The following PTCHD4 variants were observed in gnomAD, a reference collection of about 807,000 sequenced individuals.
PTCHD4 encodes patched domain-containing protein 4.
In PTCHD4, 33 loss-of-function variants were observed where a neutral mutation model predicts 58.1. The observed-to-expected ratio is 0.57, with a 90% CI of 0.43 to 0.76. PTCHD4 has a LOEUF of 0.76. PTCHD4 is among the 30% of genes least tolerant of loss of function. PTCHD4 has a pLI of 0.00. For missense variants in PTCHD4, 1,058 were observed against 1,027.1 expected (o/e 1.03, Z -0.41); for synonymous variants, 478 against 409.6 (o/e 1.17, Z -2.02).
rs142707906 is a variant in PTCHD4 at position 47,857,908 on chromosome 6, T to G, written c.*20395A>C. 2.1e-3 allele frequency among the ~76,000 whole-genome samples: 321 copies of G among 152,128 alleles called. 14 individuals are homozygous for G. In the East Asian group the frequency reaches 0.057, roughly 27 times the overall value. ...TTAGCAAACTGTAACTATAAATAGT[T>G]CTATATCAAGGTACACATATGTACC... is the stretch of plus-strand genomic sequence containing the variant. On this transcript the variant is annotated 3_prime_UTR_variant, in exon 5 of 5. Coordinates refer to ENST00000339488, the MANE Select transcript of PTCHD4 (RefSeq NM_001384253.1).
At chr6:48,024,790 C>T (rs1197256300) in intron 3 of PTCHD4, among the ~76,000 whole-genome samples, 5 of 152,174 alleles carry the variant, frequency 3.3e-5, no homozygotes, top group African/African-American at 4.8e-5. Flanking sequence ...ACCAAACCTC[C>T]TGATTCCACA....
chr6:47,931,571 G>A (rs1209208233), intron 4 of PTCHD4, among the ~76,000 whole-genome samples: 1 of 152,130 alleles, frequency 6.6e-6, no homozygotes, highest in Admixed American at 6.5e-5. Flanking sequence ...GTTTGACTGA[G>A]GAGCAATGAA....
chr6:48,090,832 A>T (rs1765351553), intron 1 of PTCHD4, among the ~76,000 whole-genome samples: 1 of 152,228 alleles, frequency 6.6e-6, no homozygotes, highest in Non-Finnish European at 1.5e-5. Context: ...TTCATGACAG[A>T]TGTAAAGTCA....
chr6:47,951,780 G>A (rs1561974388), intron 4 of PTCHD4, among the ~76,000 whole-genome samples: 1 of 151,528 alleles, frequency 6.6e-6, no homozygotes, highest in African/African-American at 2.4e-5. Flanking sequence ...AAGACAATCT[G>A]CACAAAATAA....
chr6:48,092,559 C>G (rs1430213046), intron 1 of PTCHD4, among the ~76,000 whole-genome samples: 1 of 152,078 alleles, frequency 6.6e-6, no homozygotes, highest in African/African-American at 2.4e-5. Flanking sequence ...ATTGACTACT[C>G]TCAGGCAAAA....
chr6:47,978,559 T>C (rs775129230), intron 4 of PTCHD4, among the ~76,000 whole-genome samples: 1 of 152,214 alleles, frequency 6.6e-6, no homozygotes, highest in Non-Finnish European at 1.5e-5. Flanking sequence ...AGAACTAAGT[T>C]ATACGTTTCT....
chr6:48,060,712 C>G (rs1001852868), intron 3 of PTCHD4, among the ~76,000 whole-genome samples: 1 of 152,138 alleles, frequency 6.6e-6, no homozygotes, highest in African/African-American at 2.4e-5. Context: ...TGGGCTCAAA[C>G]GATCCACCCA....
chr6:47,933,624 G>T (rs1380540610), intron 4 of PTCHD4, among the ~76,000 whole-genome samples: 1 of 152,102 alleles, frequency 6.6e-6, no homozygotes, highest in Non-Finnish European at 1.5e-5. Context: ...TAGTAGGTAG[G>T]GCAGTAAGAC....
chr6:48,002,794 T>C (rs1325433744), intron 4 of PTCHD4, among the ~76,000 whole-genome samples: 2 of 151,834 alleles, frequency 1.3e-5, no homozygotes, highest in Non-Finnish European at 2.9e-5. Flanking sequence ...CTTTATTCAC[T>C]ATCTTCACTT....
chr6:47,930,244 T>C (rs1328077611), intron 4 of PTCHD4, among the ~76,000 whole-genome samples: 3 of 152,194 alleles, frequency 2.0e-5, no homozygotes, highest in Non-Finnish European at 4.4e-5. Flanking sequence ...CACATAACAA[T>C]GTCTTACACC....
chr6:48,001,194 T>C (rs1006728347), intron 4 of PTCHD4, among the ~76,000 whole-genome samples: 1 of 152,170 alleles, frequency 6.6e-6, no homozygotes, highest in Admixed American at 6.5e-5. Context: ...AGGTAATTTA[T>C]AGATTCAATG....
rs1763450878 is a variant in PTCHD4 at position 47,862,337 on chromosome 6, A to C, written c.*15966T>G. On this transcript the variant is annotated 3_prime_UTR_variant, in exon 5 of 5. Transcript: ENST00000339488. ...TTACAACCATTTTCAACACATACTA[A>C]ATTTTTTTTGTAGGCTGCTTTCCCC... 6.6e-6 allele frequency among the ~76,000 whole-genome samples: 1 copy of C among 151,644 alleles called. No homozygotes were observed. The highest frequency in any genetic ancestry group is 2.4e-5 in the African/African-American group (1 of 41,348).
chr6:48,104,705 C>G (rs1012850787), intron 1 of PTCHD4, among the ~76,000 whole-genome samples: 2 of 152,110 alleles, frequency 1.3e-5, no homozygotes, highest in African/African-American at 2.4e-5. Context: ...TTCAGGAAAC[C>G]TATCTCATGT....
At chr6:48,033,180 G>A (rs1056627121) in intron 3 of PTCHD4, among the ~76,000 whole-genome samples, 10 of 152,082 alleles carry the variant, frequency 6.6e-5, no homozygotes, top group African/African-American at 2.4e-4. Context: ...AGGTTACTCT[G>A]CTCAACCTCC....
At chr6:48,110,810 T>C (rs1018625130) in intron 1 of PTCHD4, among the ~76,000 whole-genome samples, 2 of 147,572 alleles carry the variant, frequency 1.4e-5, no homozygotes, top group African/African-American at 4.9e-5. Flanking sequence ...TATATATATA[T>C]AATATTTTTA....
intron 3 of PTCHD4, among the ~76,000 whole-genome samples, chr6:48,056,629 T>A (rs1282944794): frequency 6.6e-6 from 1 of 152,232 alleles, no homozygotes; most frequent in Non-Finnish European, 1.5e-5. Flanking sequence ...GAGGTCATAT[T>A]AAGAGTAACT....
intron 4 of PTCHD4, among the ~76,000 whole-genome samples, chr6:47,939,843 T>C (rs1355063709): frequency 6.6e-6 from 1 of 152,110 alleles, no homozygotes; most frequent in Non-Finnish European, 1.5e-5. Flanking sequence ...AAAGAGCACA[T>C]TCTTTGTTTA....
intron 3 of PTCHD4, among the ~76,000 whole-genome samples, chr6:48,029,656 T>C (rs748769779): frequency 4.6e-5 from 7 of 152,138 alleles, no homozygotes; most frequent in Non-Finnish European, 8.8e-5. Context: ...TATCTGATCT[T>C]TCCAGAATTC....
intron 1 of PTCHD4, among the ~76,000 whole-genome samples, chr6:48,108,042 G>A (rs1056100485): frequency 6.6e-6 from 1 of 152,166 alleles, no homozygotes; most frequent in African/African-American, 2.4e-5. Context: ...AGTCAGTGTG[G>A]CGATTCCTCA....
Sources: allele counts gnomAD v4.1 joint callset (sites outside exome capture counted in the v4.1 genomes callset), GRCh38; gene constraint gnomAD v4.1.1; transcripts MANE v1.5; gene names NCBI Gene and HGNC (gene_info 2026-07-23, HGNC 2026-07-21).